Variants in NCKAP5 observed in about 807,000 individuals in gnomAD.
The protein encoded by NCKAP5 is NCK associated protein 5, also known as nck-associated protein 5.
In NCKAP5, 92 loss-of-function variants were observed where a neutral mutation model predicts 167.0. The observed-to-expected ratio is 0.55, with a 90% CI of 0.47 to 0.66. NCKAP5 has a LOEUF of 0.66. Among genes scored for constraint, NCKAP5 ranks in the 30% least tolerant of loss-of-function variants. NCKAP5 has a pLI of 0.00. For missense variants in NCKAP5, 2,378 were observed against 2,315.0 expected, an observed-to-expected ratio of 1.03 and a Z score of -0.56; for synonymous variants, 891 against 877.4, an observed-to-expected ratio of 1.02 and a Z score of -0.27.
chr2:132,784,316 G>C lies in NCKAP5; in HGVS notation c.2495C>G (p.Thr832Ser). The change falls in exon 14 of 20, where the codon ACT (threonine) becomes AGT (serine). Residue 832 changes from threonine (T) to serine (S), a missense_variant. This residue lies in a region of NCKAP5 where 1,049 missense variants were observed against 1,023.4 expected (regional missense o/e 1.02). Transcript: ENST00000409261. ...TTLLPSSGLVTLEKSPALAPG... is the reference protein window; with the variant it reads ...TTLLPSSGLVSLEKSPALAPG... ...AGCTAAGGCTGGTGATTTTTCAAGA[G>C]TCACCAGGCCAGATGAAGGGAGTAG... is the stretch of plus-strand genomic sequence containing the variant. The C allele has an allele frequency of 6.2e-7, 1 of 1,613,982 alleles. No homozygotes were observed. Among genetic ancestry groups the C allele is most frequent in the Non-Finnish European group, 8.5e-7 (1 of 1,179,878 alleles).
At chr2:133,379,756 C>T (rs1686388400) in intron 3 of NCKAP5, among the ~76,000 whole-genome samples, 1 of 152,076 alleles carries the variant, frequency 6.6e-6, no homozygotes, top group Admixed American at 6.6e-5. Context: ...AGAAAATGAT[C>T]CAAGGTAATG....
intron 19 of NCKAP5, among the ~76,000 whole-genome samples, chr2:132,679,087 A>G (rs1684869211): frequency 6.6e-6 from 1 of 152,186 alleles, no homozygotes; most frequent in South Asian, 2.1e-4. Context: ...GGCTGACGGG[A>G]GGCCAAAAGA....
chr2:133,603,837 G>A, the NCKAP5 span, among the ~76,000 whole-genome samples: 7 of 152,130 alleles, frequency 4.6e-5, no homozygotes, highest in East Asian at 1.9e-4. Flanking sequence ...GCTCCCAGCC[G>A]GCATGAGGGA....
intron 3 of NCKAP5, among the ~76,000 whole-genome samples, chr2:133,326,458 C>T (rs1176555592): frequency 4.1e-5 from 2 of 49,016 alleles, no homozygotes; most frequent in African/African-American, 1.3e-4. Context: ...TCAGTCTCAA[C>T]AAAAAAAAAA....
rs76716096 is a variant in NCKAP5 at position 133,231,235 on chromosome 2, C to T, written c.144-17456G>A. ...GTGAGTTAAAGAGTAAAACTGATTA[C>T]AACAGAGTCATCCATGGATTCAAAC... On this transcript the variant is annotated intron_variant, in intron 4 of 19. Coordinates refer to ENST00000409261, the MANE Select transcript of NCKAP5 (RefSeq NM_207363.3). Among the ~76,000 whole-genome samples, 205 of 152,276 alleles carry T rather than the reference C, an allele frequency of 1.3e-3. 3 individuals carry two copies. The East Asian group carries it at 0.036, about 27-fold the overall frequency.
At chr2:133,252,673 C>T (rs1466865139) in intron 4 of NCKAP5, among the ~76,000 whole-genome samples, 1 of 152,190 alleles carries the variant, frequency 6.6e-6, no homozygotes, top group Non-Finnish European at 1.5e-5. Flanking sequence ...TCTGAGCCCC[C>T]ATGAGACCAG....
chr2:132,776,806 C>A (rs1209521924), intron 15 of NCKAP5, among the ~76,000 whole-genome samples: 1 of 152,058 alleles, frequency 6.6e-6, no homozygotes, highest in Non-Finnish European at 1.5e-5. Flanking sequence ...AATTTTCATT[C>A]TTGATCCCAT....
chr2:133,463,014 C>T (rs558806537), intron 3 of NCKAP5, among the ~76,000 whole-genome samples: 80 of 152,126 alleles, frequency 5.3e-4, no homozygotes, highest in Admixed American at 6.6e-4. Flanking sequence ...AACTCTGGAG[C>T]GATTAGTCGC....
intron 5 of NCKAP5, among the ~76,000 whole-genome samples, chr2:133,212,399 T>G (rs1254364334): frequency 2.0e-5 from 3 of 152,292 alleles, no homozygotes; most frequent in African/African-American, 4.8e-5. Flanking sequence ...TGTTTGTTTT[T>G]GGGAGACAGG....
intron 3 of NCKAP5, among the ~76,000 whole-genome samples, chr2:133,500,719 G>A (rs1682432647): frequency 6.6e-6 from 1 of 152,152 alleles, no homozygotes; most frequent in African/African-American, 2.4e-5. Flanking sequence ...TTTTTAGACA[G>A]CAGTATAAAC....
At chr2:132,744,633 A>AT (rs201727138) in intron 16 of NCKAP5, among the ~76,000 whole-genome samples, 1,546 of 131,378 alleles carry the variant, frequency 0.012, 19 homozygotes, top group African/African-American at 0.043. Flanking sequence ...AATTAAGAAA[A>AT]TTAAAAAAAA....
intron 19 of NCKAP5, among the ~76,000 whole-genome samples, chr2:132,689,201 A>C (rs1686394679): frequency 6.6e-6 from 1 of 152,054 alleles, no homozygotes; most frequent in Non-Finnish European, 1.5e-5. Flanking sequence ...TAACCTCATA[A>C]TGGACTGTCA....
At chr2:133,474,645 T>C (rs1679716074) in intron 3 of NCKAP5, among the ~76,000 whole-genome samples, 1 of 152,210 alleles carries the variant, frequency 6.6e-6, no homozygotes, top group Non-Finnish European at 1.5e-5. Context: ...AACATGGTTA[T>C]GTACACCATT....
At chr2:133,364,751 CTTTT>C (rs112877317) in intron 3 of NCKAP5, among the ~76,000 whole-genome samples, 5 of 148,554 alleles carry the variant, frequency 3.4e-5, no homozygotes, top group South Asian at 4.3e-4. Flanking sequence ...GTCATTGTGT[CTTTT>C]TTTTTTCTTT....
At chr2:133,540,319 G>A (rs901411689) in intron 2 of NCKAP5, among the ~76,000 whole-genome samples, 3 of 152,104 alleles carry the variant, frequency 2.0e-5, no homozygotes, top group South Asian at 4.1e-4. Flanking sequence ...TCCTATTAGA[G>A]AGCTAGACTG....
chr2:132,736,187 C>T (rs1691487915), intron 16 of NCKAP5, among the ~76,000 whole-genome samples: 1 of 152,134 alleles, frequency 6.6e-6, no homozygotes, highest in South Asian at 2.1e-4. Context: ...AGACACATGC[C>T]AAGTTTCCCT....
the NCKAP5 span, among the ~76,000 whole-genome samples, chr2:133,638,857 CAAA>C: frequency 6.0e-5 from 5 of 84,000 alleles, no homozygotes; most frequent in Non-Finnish European, 4.8e-5. Context: ...GACTCTATCT[CAAA>C]AAAAAAAAAA....
At position 133,568,305 on chromosome 2, in the gene NCKAP5, G is replaced by C. The variant is rs1220445511; in HGVS notation, c.-219C>G. The C allele has an allele frequency of 1.3e-5, 2 of 152,176 alleles. No individual in the cohort carries two copies. The highest frequency in any genetic ancestry group is 6.5e-5 in the Admixed American group (1 of 15,278). The allele number at this position is 152,176 out of a possible 1,614,324, so 9.4% of individuals were successfully genotyped here. On this transcript the variant is annotated 5_prime_UTR_variant, in exon 1 of 20. Coordinates refer to ENST00000409261, the MANE Select transcript of NCKAP5 (RefSeq NM_207363.3). ...TCTCCAGCTAAAAATTTCCTCCCGC[G>C]GTTGGTTATCCTCTGTTTATTTTTG... is the stretch of plus-strand genomic sequence containing the variant.
At chr2:132,777,487 T>A (rs7605691) in intron 15 of NCKAP5, among the ~76,000 whole-genome samples, 93,721 of 151,960 alleles carry the variant, frequency 0.62, 30,367 homozygotes, top group East Asian at 0.88. Flanking sequence ...CCCTGAATCA[T>A]CCTAACACTA....
Sources: gnomAD v4.1 joint callset for allele counts (sites outside exome capture counted in the v4.1 genomes callset) on GRCh38, gnomAD v4.1.1 for gene constraint, gnomAD v4.1.1 regional missense constraint, MANE v1.5 for transcripts, NCBI Gene and HGNC (gene_info 2026-07-23, HGNC 2026-07-21) for gene names.